The following NTRK3 variants were observed in gnomAD, a reference collection of about 807,000 sequenced individuals.
NTRK3 encodes NT-3 growth factor receptor.
Under a neutral mutation model 91.7 loss-of-function variants are expected in NTRK3, and 24 were observed. The ratio of observed to expected loss-of-function variants is 0.26; its 90% CI spans 0.19 to 0.37. The LOEUF (loss-of-function observed/expected upper bound fraction) is 0.37. Ranked by LOEUF, NTRK3 falls within the 10% of genes least tolerant of loss-of-function variation. The pLI, the probability that NTRK3 is intolerant of heterozygous loss-of-function variation, is 1.00. For missense variants in NTRK3, 880 were observed against 1,068.9 expected (o/e 0.82, Z 2.46); for synonymous variants, 483 against 404.0 (o/e 1.20, Z -2.34).
chr15:88,013,405 A>C (rs2077018664), intron 14 of NTRK3, among the ~76,000 whole-genome samples: 1 of 152,224 alleles, frequency 6.6e-6, no homozygotes, highest in South Asian at 2.1e-4. Context: ...TGAGGATAAG[A>C]AGCCATACAC....
chr15:88,105,820 T>C (rs1392980362), intron 13 of NTRK3, among the ~76,000 whole-genome samples: 2 of 152,278 alleles, frequency 1.3e-5, no homozygotes, highest in African/African-American at 4.8e-5. Flanking sequence ...TGCCAAATGC[T>C]TTCCATATGT....
Position 87,864,413 on chromosome 15 carries a change from G to C in NTRK3, c.*12522C>G, listed in dbSNP as rs548186179. 1.3e-5 allele frequency: 3 copies of C among 230,766 alleles called. No individual in the cohort carries two copies. In the East Asian group the frequency reaches 1.8e-4, roughly 14 times the overall value. 14.3% of individuals were successfully genotyped at this position (230,766 alleles called of 1,614,324 possible). On this transcript the variant is annotated 3_prime_UTR_variant, in exon 19 of 19. Transcript: ENST00000394480. ...AGATGGTGAGAAAGCATTGAAATAA[G>C]TTCTTGTTGTGCCTGTTAACATATC...
chr15:88,027,158 G>A (rs947924953), intron 14 of NTRK3, among the ~76,000 whole-genome samples: 4 of 151,958 alleles, frequency 2.6e-5, no homozygotes, highest in Admixed American at 6.6e-5. Context: ...TGGAGGTAGC[G>A]GGTCTGAGTT....
chr15:88,078,032 G>T (rs374684302), intron 13 of NTRK3, among the ~76,000 whole-genome samples: 3 of 152,332 alleles, frequency 2.0e-5, no homozygotes, highest in East Asian at 1.9e-4. Flanking sequence ...TGGCAGCAAA[G>T]ACAGCAACCC....
chr15:88,195,113 G>A lies in NTRK3; in HGVS notation c.249-10814C>T, dbSNP rs1033823189. 2.4e-4 allele frequency among the ~76,000 whole-genome samples: 36 copies of A among 152,114 alleles called. 1 individual carries two copies. Among genetic ancestry groups the A allele is most frequent in the African/African-American group, 8.0e-4 (33 of 41,424 alleles). The stretch of plus-strand genomic sequence containing the variant: ...TGGGGCGGTGCCACTGGTGTCTAGC[G>A]GGGTGAGGCCAGAGATGTTATTAAT... On this transcript the variant is annotated intron_variant, in intron 3 of 18. Coordinates refer to ENST00000394480, the Ensembl canonical transcript of NTRK3.
At chr15:88,188,735 C>A (rs1347972487) in intron 3 of NTRK3, among the ~76,000 whole-genome samples, 1 of 152,228 alleles carries the variant, frequency 6.6e-6, no homozygotes, top group Non-Finnish European at 1.5e-5. Flanking sequence ...ACAGGCATTT[C>A]TTGAGAGGAA....
At chr15:88,023,263 A>T (rs1213820485) in intron 14 of NTRK3, among the ~76,000 whole-genome samples, 2 of 152,116 alleles carry the variant, frequency 1.3e-5, no homozygotes, top group Non-Finnish European at 2.9e-5. Flanking sequence ...TTCTGGCAAC[A>T]TCCAGCTCTT....
rs116381883 is a variant in NTRK3 at position 88,166,737 on chromosome 15, C to T, written c.395+16681G>A. ...AGTTACAACAGAAAGAACATGAGCT[C>T]TGGACCAGACATTTATAGATATGAA... On this transcript the variant is annotated intron_variant, in intron 5 of 18. Coordinates refer to ENST00000394480, the Ensembl canonical transcript of NTRK3. Among the ~76,000 whole-genome samples, 268 of 152,308 alleles carry T rather than the reference C, an allele frequency of 1.8e-3. 3 individuals are homozygous for T. Among genetic ancestry groups the T allele is most frequent in the African/African-American group, 6.0e-3 (250 of 41,568 alleles).
intron 3 of NTRK3, among the ~76,000 whole-genome samples, chr15:88,199,973 C>T (rs1172447489): frequency 6.6e-6 from 1 of 152,194 alleles, no homozygotes; most frequent in Non-Finnish European, 1.5e-5. Context: ...TCAGGGGAGT[C>T]AGAGCCAGAA....
At chr15:88,135,527 TC>T in intron 9 of NTRK3, 130 bp from the exon 10 acceptor site, 1 of 1,049,256 alleles carries the variant, frequency 9.5e-7, no homozygotes, top group Non-Finnish European at 1.4e-6. Flanking sequence ...GAAGCAGAAG[TC>T]CCACCACAAT....
intron 13 of NTRK3, among the ~76,000 whole-genome samples, chr15:88,119,455 G>T (rs1393096427): frequency 6.6e-6 from 1 of 152,198 alleles, no homozygotes; most frequent in African/African-American, 2.4e-5. Context: ...AGGAAGCGGG[G>T]TGGTTGGAAG....
chr15:88,120,918 C>T (rs1412456437), intron 13 of NTRK3, among the ~76,000 whole-genome samples: 1 of 152,206 alleles, frequency 6.6e-6, no homozygotes, highest in African/African-American at 2.4e-5. Context: ...ACAATGGGCA[C>T]ATTAGCCTAA....
intron 17 of NTRK3, among the ~76,000 whole-genome samples, chr15:87,898,964 C>T (rs1262933912): frequency 5.9e-5 from 9 of 152,162 alleles, no homozygotes; most frequent in East Asian, 3.9e-4. Context: ...ACCCAGAGCA[C>T]GCTTCTTGCA....
intron 5 of NTRK3, among the ~76,000 whole-genome samples, chr15:88,174,958 A>T (rs2045864300): frequency 6.6e-6 from 1 of 152,194 alleles, no homozygotes; most frequent in Non-Finnish European, 1.5e-5. Context: ...TTACTTCCTT[A>T]TACTTAAATT....
chr15:88,121,808 C>T (rs1462112654), intron 13 of NTRK3, among the ~76,000 whole-genome samples: 1 of 152,226 alleles, frequency 6.6e-6, no homozygotes, highest in African/African-American at 2.4e-5. Context: ...ACCCCTGCCA[C>T]TCTGAAGCAT....
intron 3 of NTRK3, among the ~76,000 whole-genome samples, chr15:88,253,754 G>A (rs1305496319): frequency 6.6e-6 from 1 of 152,060 alleles, no homozygotes; most frequent in Non-Finnish European, 1.5e-5. Context: ...AAACAAGAAT[G>A]GGGACACACA....
intron 13 of NTRK3, among the ~76,000 whole-genome samples, chr15:88,104,927 T>C (rs560746921): frequency 1.3e-5 from 2 of 152,332 alleles, no homozygotes; most frequent in African/African-American, 4.8e-5. Context: ...CTTCTGCGAG[T>C]TGGGCTGTCC....
At chr15:87,860,435 G>A (rs558213819) in exon 19 of NTRK3, 2 of 219,074 alleles carry the variant, frequency 9.1e-6, no homozygotes, top group Admixed American at 5.8e-5. Context: ...AATATCAACT[G>A]AGAACACACC....
At chr15:88,151,943 C>T (rs1412040301) in intron 5 of NTRK3, among the ~76,000 whole-genome samples, 2 of 152,218 alleles carry the variant, frequency 1.3e-5, no homozygotes. Flanking sequence ...CCTCCTTGGT[C>T]CCTCTCACTT....
Sources: allele counts gnomAD v4.1 joint callset (sites outside exome capture counted in the v4.1 genomes callset), GRCh38; gene constraint gnomAD v4.1.1; transcripts MANE v1.5; gene names NCBI Gene and HGNC (gene_info 2026-07-23, HGNC 2026-07-21).